Variants in LARGE1 observed in about 807,000 individuals in gnomAD.
LARGE1 encodes the protein LARGE xylosyl- and glucuronyltransferase 1, also known as xylosyl- and glucuronyltransferase LARGE1.
A neutral mutation model predicts 87.6 loss-of-function variants in LARGE1; 43 were observed. That is an observed-to-expected ratio of 0.49 (90% CI 0.38 to 0.63). The LOEUF (loss-of-function observed/expected upper bound fraction) is 0.63, where lower values mean the gene tolerates loss of function less well. LARGE1 is among the 30% of genes least tolerant of loss of function. The pLI is 0.00. For missense variants in LARGE1, 802 were observed against 1,000.2 expected, an observed-to-expected ratio of 0.80 and a Z score of 2.67; for synonymous variants, 434 against 394.6, an observed-to-expected ratio of 1.10 and a Z score of -1.18.
At chr22:33,369,599 C>A (rs1239028421) in intron 9 of LARGE1, among the ~76,000 whole-genome samples, 2 of 152,148 alleles carry the variant, frequency 1.3e-5, no homozygotes, top group Non-Finnish European at 2.9e-5. Flanking sequence ...GAGTCTTGCT[C>A]TATAGCCCAG....
At chr22:33,447,926 C>T (rs2067751739) in intron 6 of LARGE1, among the ~76,000 whole-genome samples, 1 of 152,178 alleles carries the variant, frequency 6.6e-6, no homozygotes, top group Admixed American at 6.5e-5. Flanking sequence ...CTAACAGATG[C>T]TGCCACCTGG....
chr22:33,091,898 G>A, the LARGE1 span, among the ~76,000 whole-genome samples: 12 of 150,022 alleles, frequency 8.0e-5, no homozygotes, highest in South Asian at 2.1e-4. Context: ...TTCGTTTTTC[G>A]TTTGTTTGTT....
At chr22:33,142,925 A>G in the LARGE1 span, among the ~76,000 whole-genome samples, 2 of 152,160 alleles carry the variant, frequency 1.3e-5, no homozygotes, top group Admixed American at 1.3e-4. Context: ...AGAGCAAGGG[A>G]GAGAGAGAGA....
intron 7 of LARGE1, among the ~76,000 whole-genome samples, chr22:33,417,064 G>A (rs544034396): frequency 1.1e-4 from 17 of 151,852 alleles, no homozygotes; most frequent in Non-Finnish European, 1.5e-4. Flanking sequence ...GTGTCACCAC[G>A]CCCAGCTAAT....
chr22:33,428,946 A>G (rs1488719588), intron 7 of LARGE1, among the ~76,000 whole-genome samples: 1 of 107,258 alleles, frequency 9.3e-6, no homozygotes, highest in Non-Finnish European at 1.9e-5. Context: ...AAAGAAACAA[A>G]AAAAAAAAAA....
chr22:33,545,780 C>T (rs778404128), intron 6 of LARGE1, among the ~76,000 whole-genome samples: 4 of 152,072 alleles, frequency 2.6e-5, no homozygotes, highest in Non-Finnish European at 4.4e-5. Flanking sequence ...GACAGGGTTT[C>T]GCCATGTTGC....
chr22:33,717,487 T>C (rs1054884051), intron 2 of LARGE1, among the ~76,000 whole-genome samples: 1 of 152,230 alleles, frequency 6.6e-6, no homozygotes, highest in African/African-American at 2.4e-5. Context: ...TCTCCTCATC[T>C]ACTCAGTATT....
chr22:33,526,953 G>A (rs554333453), intron 6 of LARGE1, among the ~76,000 whole-genome samples: 1 of 152,214 alleles, frequency 6.6e-6, no homozygotes, highest in East Asian at 1.9e-4. Context: ...TACCACGGGA[G>A]TTGCTTAAAA....
At chr22:33,187,042 T>C (rs1923513611) in intron 11 of LARGE1, among the ~76,000 whole-genome samples, 1 of 152,196 alleles carries the variant, frequency 6.6e-6, no homozygotes, top group South Asian at 2.1e-4. Context: ...AAGGCACCAA[T>C]GTGATTCAAA....
intron 6 of LARGE1, among the ~76,000 whole-genome samples, chr22:33,516,774 T>TG (rs2071326252): frequency 6.6e-6 from 1 of 152,040 alleles, no homozygotes. Context: ...TTAGTAGAGA[T>TG]GGGGTCTCAC....
At chr22:33,619,946 C>T (rs1367748308) in intron 4 of LARGE1, among the ~76,000 whole-genome samples, 1 of 152,206 alleles carries the variant, frequency 6.6e-6, no homozygotes, top group Admixed American at 6.5e-5. Flanking sequence ...CAAGCCAAAG[C>T]TCCAAGATGT....
At chr22:33,089,368 T>TCTTCTTCTTCTTCTTCTTCTTCTCCTC in the LARGE1 span, among the ~76,000 whole-genome samples, 44 of 78,286 alleles carry the variant, frequency 5.6e-4, no homozygotes, top group African/African-American at 2.0e-3. Context: ...TTCTTCTTCT[T>TCTTCTTCTTCTTCTTCTTCTTCTCCTC]CTCCTTCTTC....
chr22:33,505,990 G>A (rs1055498418), intron 6 of LARGE1, among the ~76,000 whole-genome samples: 12 of 152,114 alleles, frequency 7.9e-5, no homozygotes, highest in African/African-American at 2.9e-4. Flanking sequence ...AGCATAGTAG[G>A]TGCCAATGTG....
At chr22:33,635,118 C>CAA (rs1269248304) in intron 3 of LARGE1, among the ~76,000 whole-genome samples, 1 of 130,578 alleles carries the variant, frequency 7.7e-6, no homozygotes, top group African/African-American at 2.8e-5. Flanking sequence ...ACTCCATCTC[C>CAA]AAAAAAAAAA....
At chr22:33,401,767 T>C (rs1453778884) in intron 7 of LARGE1, among the ~76,000 whole-genome samples, 1 of 152,188 alleles carries the variant, frequency 6.6e-6, no homozygotes, top group Non-Finnish European at 1.5e-5. Context: ...ACCTTGTCAA[T>C]ACCTTGGTCC....
intron 6 of LARGE1, among the ~76,000 whole-genome samples, chr22:33,549,522 T>A (rs1030804683): frequency 6.6e-6 from 1 of 152,216 alleles, no homozygotes; most frequent in Non-Finnish European, 1.5e-5. Flanking sequence ...GTATTGTGTA[T>A]CCTTCTAGAT....
chr22:33,812,213 A>G (rs753193511), intron 1 of LARGE1, among the ~76,000 whole-genome samples: 30 of 152,192 alleles, frequency 2.0e-4, no homozygotes, highest in Non-Finnish European at 4.4e-5. Flanking sequence ...ACATGCCCCA[A>G]AGGGCTGGAC....
Position 33,504,108 on chromosome 22 carries a change from C to G in LARGE1, c.787+60740G>C, listed in dbSNP as rs368613750. ...AGACAGAGAGTAGATTAGTAGCTGC[C>G]TAGGGCAGCGGTAATGGGAAAATGA... On this transcript the variant is annotated intron_variant, in intron 6 of 14. Coordinates refer to ENST00000397394, the MANE Select transcript of LARGE1 (RefSeq NM_133642.5). Among the ~76,000 whole-genome samples, 14 of 152,266 alleles carry G rather than the reference C, an allele frequency of 9.2e-5. No homozygotes were observed. In the South Asian group the frequency reaches 1.5e-3, roughly 16 times the overall value.
intron 7 of LARGE1, among the ~76,000 whole-genome samples, chr22:33,430,739 C>T (rs1171968593): frequency 6.6e-6 from 1 of 152,220 alleles, no homozygotes. Flanking sequence ...TCCTTGTCCT[C>T]CTCTAGCTTT....
Sources: gnomAD v4.1 joint callset for allele counts (sites outside exome capture counted in the v4.1 genomes callset) on GRCh38, gnomAD v4.1.1 for gene constraint, MANE v1.5 for transcripts, NCBI Gene and HGNC (gene_info 2026-07-23, HGNC 2026-07-21) for gene names.